Variants in NAALADL2 observed in about 807,000 individuals in gnomAD.
The protein encoded by NAALADL2 is N-acetylated alpha-linked acidic dipeptidase like 2.
A neutral mutation model predicts 87.2 loss-of-function variants in NAALADL2; 76 were observed. That is an observed-to-expected ratio of 0.87 (90% CI 0.72 to 1.05). The LOEUF (loss-of-function observed/expected upper bound fraction) is 1.05. NAALADL2 is among the 50% of genes least tolerant of loss of function. NAALADL2 has a pLI of 0.00. For missense variants in NAALADL2, 1,089 were observed against 945.8 expected (o/e 1.15, Z -1.99); for synonymous variants, 354 against 331.0 (o/e 1.07, Z -0.75).
Position 175,590,630 on chromosome 3 carries a change from T to C in NAALADL2, c.1800+14443T>C, listed in dbSNP as rs116598562. Among the ~76,000 whole-genome samples, 651 of 152,210 alleles carry C rather than the reference T, an allele frequency of 4.3e-3. 9 individuals are homozygous for C. Among genetic ancestry groups the C allele is most frequent in the Middle Eastern group, 0.017 (5 of 294 alleles). ...GCTAAACTTCATTAAAGCTTTGAAG[T>C]GTTGAAGCTAGGAAATAGAAAATGC... On this transcript the variant is annotated intron_variant, in intron 10 of 13. Coordinates refer to ENST00000454872, the MANE Select transcript of NAALADL2 (RefSeq NM_207015.3).
chr3:175,343,196 C>T (rs1762743868), intron 5 of NAALADL2, among the ~76,000 whole-genome samples: 1 of 151,898 alleles, frequency 6.6e-6, no homozygotes, highest in South Asian at 2.1e-4. Context: ...TAATACCTTT[C>T]CCCTCTACCT....
intron 9 of NAALADL2, among the ~76,000 whole-genome samples, chr3:175,479,087 T>A (rs1051541306): frequency 2.0e-5 from 3 of 151,828 alleles, no homozygotes; most frequent in Non-Finnish European, 4.4e-5. Context: ...AAATAAGTAC[T>A]GGGGTAATTT....
intron 7 of NAALADL2, among the ~76,000 whole-genome samples, chr3:175,465,675 CT>C (rs1212551118): frequency 6.6e-6 from 1 of 151,906 alleles, no homozygotes; most frequent in Non-Finnish European, 1.5e-5. Context: ...GTTTCACCAT[CT>C]TGGCCAGGCT....
chr3:174,443,010 T>C (rs1714781001), intron 1 of NAALADL2, among the ~76,000 whole-genome samples: 1 of 152,050 alleles, frequency 6.6e-6, no homozygotes, highest in South Asian at 2.1e-4. Context: ...GAATGGAGGA[T>C]AGAGGAGAAG....
intron 1 of NAALADL2, among the ~76,000 whole-genome samples, chr3:174,531,710 A>G (rs908529136): frequency 6.6e-6 from 1 of 152,182 alleles, no homozygotes; most frequent in Non-Finnish European, 1.5e-5. Flanking sequence ...GTAACATTTG[A>G]AACATGGATT....
chr3:175,483,867 C>T (rs1726869182), intron 9 of NAALADL2, among the ~76,000 whole-genome samples: 1 of 151,864 alleles, frequency 6.6e-6, no homozygotes, highest in South Asian at 2.1e-4. Context: ...GCATGTGCAC[C>T]CCAGGTCCTG....
intron 1 of NAALADL2, among the ~76,000 whole-genome samples, chr3:175,091,856 T>G (rs1236194519): frequency 6.6e-6 from 1 of 151,974 alleles, no homozygotes; most frequent in Non-Finnish European, 1.5e-5. Context: ...TAGCTAATGA[T>G]TAACAAGATG....
chr3:175,442,127 T>G (rs544704681), intron 5 of NAALADL2, among the ~76,000 whole-genome samples: 1 of 152,014 alleles, frequency 6.6e-6, no homozygotes, highest in African/African-American at 2.4e-5. Flanking sequence ...GTAATTTCAG[T>G]AGAGATGGGG....
chr3:175,569,188 A>T (rs1023891900), intron 9 of NAALADL2, among the ~76,000 whole-genome samples: 4 of 152,158 alleles, frequency 2.6e-5, no homozygotes, highest in South Asian at 2.1e-4. Flanking sequence ...TTTATCCATG[A>T]TCCTTCAATG....
chr3:175,182,181 C>T (rs1209521991), intron 2 of NAALADL2, among the ~76,000 whole-genome samples: 6 of 152,042 alleles, frequency 3.9e-5, no homozygotes, highest in Admixed American at 3.9e-4. Flanking sequence ...CTCTGTTGGC[C>T]ATCAGTATGT....
At chr3:174,700,675 T>C (rs1312235104) in intron 2 of NAALADL2, among the ~76,000 whole-genome samples, 1 of 152,216 alleles carries the variant, frequency 6.6e-6, no homozygotes, top group Non-Finnish European at 1.5e-5. Context: ...CACATTGTAG[T>C]TACATTCCAG....
At chr3:175,546,828 T>G (rs1713416333) in intron 9 of NAALADL2, among the ~76,000 whole-genome samples, 1 of 151,878 alleles carries the variant, frequency 6.6e-6, no homozygotes, top group South Asian at 2.1e-4. Flanking sequence ...TTAGATAATC[T>G]GCTAATTAAA....
chr3:174,710,164 C>G (rs767286635), intron 2 of NAALADL2, among the ~76,000 whole-genome samples: 5 of 150,678 alleles, frequency 3.3e-5, no homozygotes, highest in Non-Finnish European at 7.4e-5. Context: ...TAAATAAGAT[C>G]TCAAATCAGT....
intron 13 of NAALADL2, among the ~76,000 whole-genome samples, chr3:175,784,909 G>T (rs1751707273): frequency 8.4e-6 from 1 of 119,556 alleles, no homozygotes; most frequent in East Asian, 2.0e-4. Flanking sequence ...TTGTGTCTTT[G>T]TTCTCATTGG....
intron 1 of NAALADL2, among the ~76,000 whole-genome samples, chr3:175,004,742 A>G (rs1015751622): frequency 8.5e-5 from 13 of 152,142 alleles, no homozygotes; most frequent in African/African-American, 2.9e-4. Flanking sequence ...CATGCATAAA[A>G]TTATTTAAAA....
At chr3:175,335,302 A>G (rs9876305) in intron 5 of NAALADL2, among the ~76,000 whole-genome samples, 5,003 of 152,342 alleles carry the variant, frequency 0.033, 245 homozygotes, top group African/African-American at 0.11. Context: ...AATTTCTGTC[A>G]TCAAGCAAAA....
intron 5 of NAALADL2, among the ~76,000 whole-genome samples, chr3:175,421,022 G>A (rs1010152706): frequency 1.3e-5 from 2 of 151,938 alleles, no homozygotes; most frequent in African/African-American, 4.8e-5. Context: ...TTCTGGAACG[G>A]ATATAGAATA....
intron 3 of NAALADL2, among the ~76,000 whole-genome samples, chr3:174,737,972 A>G (rs1377509699): frequency 2.0e-5 from 3 of 152,040 alleles, no homozygotes; most frequent in African/African-American, 7.2e-5. Flanking sequence ...TAAATATTTT[A>G]ATTTCTGTGT....
intron 1 of NAALADL2, among the ~76,000 whole-genome samples, chr3:174,464,739 A>G (rs1478793494): frequency 6.6e-6 from 1 of 152,032 alleles, no homozygotes; most frequent in Non-Finnish European, 1.5e-5. Context: ...TGCAATACAT[A>G]TAGTAATTTA....
Sources: gnomAD v4.1 joint callset for allele counts (sites outside exome capture counted in the v4.1 genomes callset) on GRCh38, gnomAD v4.1.1 for gene constraint, MANE v1.5 for transcripts, NCBI Gene and HGNC (gene_info 2026-07-23, HGNC 2026-07-21) for gene names.